Variants in SPIDR observed in about 807,000 individuals in gnomAD.
SPIDR encodes scaffold protein involved in DNA repair.
In SPIDR, 93 loss-of-function variants were observed where a neutral mutation model predicts 104.6. The ratio of observed to expected loss-of-function variants is 0.89; its 90% CI spans 0.75 to 1.06. The LOEUF (loss-of-function observed/expected upper bound fraction) is 1.06. SPIDR is among the 50% of genes least tolerant of loss of function. SPIDR has a pLI of 0.00. For missense variants in SPIDR, 1,154 were observed against 1,111.2 expected (o/e 1.04, Z -0.55); for synonymous variants, 431 against 416.9 (o/e 1.03, Z -0.41).
intron 5 of SPIDR, among the ~76,000 whole-genome samples, chr8:47,368,343 C>A (rs1447813151): frequency 1.4e-4 from 7 of 49,420 alleles, no homozygotes; most frequent in African/African-American, 6.1e-4. Context: ...GTTGAGAAGT[C>A]AAAAAAAAAA....
chr8:47,335,728 C>T (rs1019154765), intron 5 of SPIDR, among the ~76,000 whole-genome samples: 6 of 152,158 alleles, frequency 3.9e-5, no homozygotes, highest in African/African-American at 1.4e-4. Flanking sequence ...GGATTACAGG[C>T]GTGAGCCACC....
intron 8 of SPIDR, among the ~76,000 whole-genome samples, chr8:47,517,329 T>C (rs896648405): frequency 2.6e-5 from 4 of 152,162 alleles, no homozygotes; most frequent in Non-Finnish European, 4.4e-5. Context: ...AAAAAAATAA[T>C]TATTACTATT....
chr8:47,732,679 T>C, intron 19 of SPIDR: 1 of 154,152 alleles, frequency 6.5e-6, no homozygotes, highest in Admixed American at 6.4e-5. Context: ...AGATACCCAG[T>C]ATGGATTCTG....
chr8:47,642,112 G>A (rs1463593266), intron 10 of SPIDR, among the ~76,000 whole-genome samples: 2 of 152,172 alleles, frequency 1.3e-5, no homozygotes, highest in African/African-American at 2.4e-5. Flanking sequence ...GTATGGAGCA[G>A]TGACTTTATG....
Position 47,673,924 on chromosome 8 carries a change from G to T in SPIDR, c.1668G>T (p.Gln556His). 1 of 1,614,110 alleles carries T rather than the reference G, an allele frequency of 6.2e-7. No homozygotes were observed. The highest frequency in any genetic ancestry group is 1.1e-5 in the South Asian group (1 of 91,076). ...GCCTGGTGGGAATGAAGGTTCTACAGAAAGTCACCAGAGGAAGGTGAGAAC... is the reference window on the plus strand; with the variant it reads ...GCCTGGTGGGAATGAAGGTTCTACATAAAGTCACCAGAGGAAGGTGAGAAC... ...SCSLVGMKVL[Q>H]KVTRGRTAGI... The change falls in exon 11 of 20, where the codon CAG (glutamine) becomes CAT (histidine). Residue 556 changes from glutamine to histidine, a missense_variant. By Grantham distance (24) the Gln-to-His change is conservative. Coordinates refer to ENST00000297423, the MANE Select transcript of SPIDR (RefSeq NM_001080394.4).
At chr8:47,265,786 G>A (rs2033835622) in intron 1 of SPIDR, among the ~76,000 whole-genome samples, 1 of 152,110 alleles carries the variant, frequency 6.6e-6, no homozygotes, top group Non-Finnish European at 1.5e-5. Context: ...TAAATCTGGA[G>A]GCTGGGCCTT....
intron 5 of SPIDR, among the ~76,000 whole-genome samples, chr8:47,328,692 C>T (rs919507141): frequency 2.6e-5 from 4 of 152,100 alleles, no homozygotes; most frequent in Non-Finnish European, 1.5e-5. Context: ...GTGGAATCTT[C>T]ACTTTTTTAT....
intron 5 of SPIDR, among the ~76,000 whole-genome samples, chr8:47,313,187 T>G (rs1388130413): frequency 6.6e-6 from 1 of 152,182 alleles, no homozygotes; most frequent in African/African-American, 2.4e-5. Context: ...AAAATCTCCT[T>G]AAGCTGATAA....
intron 10 of SPIDR, among the ~76,000 whole-genome samples, chr8:47,602,274 C>G (rs950423289): frequency 6.6e-6 from 1 of 152,176 alleles, no homozygotes; most frequent in Non-Finnish European, 1.5e-5. Flanking sequence ...CTCATCAGCA[C>G]AACACACACA....
At chr8:47,399,751 C>T (rs1245839803) in intron 6 of SPIDR, among the ~76,000 whole-genome samples, 1 of 152,108 alleles carries the variant, frequency 6.6e-6, no homozygotes, top group Non-Finnish European at 1.5e-5. Context: ...AATAATGACC[C>T]GTGAAGCCTA....
chr8:47,465,230 C>T (rs1347707694), intron 8 of SPIDR, among the ~76,000 whole-genome samples: 1 of 152,172 alleles, frequency 6.6e-6, no homozygotes, highest in East Asian at 1.9e-4. Flanking sequence ...CACTAAGTAT[C>T]TAAAGGAAAG....
chr8:47,531,430 T>G (rs1250952758), intron 8 of SPIDR, among the ~76,000 whole-genome samples: 1 of 152,190 alleles, frequency 6.6e-6, no homozygotes, highest in Non-Finnish European at 1.5e-5. Flanking sequence ...ATGTCATTCC[T>G]TTTAGAAATA....
chr8:47,672,460 A>G (rs1002900721), intron 10 of SPIDR, among the ~76,000 whole-genome samples: 1 of 152,086 alleles, frequency 6.6e-6, no homozygotes, highest in African/African-American at 2.4e-5. Context: ...CTATATTCTG[A>G]GTAATTTATT....
At position 47,469,483 on chromosome 8, in the gene SPIDR, C is replaced by T. The variant is rs192382081; in HGVS notation, c.1097+28941C>T. Among the ~76,000 whole-genome samples, 262 of 151,734 alleles carry T rather than the reference C, an allele frequency of 1.7e-3. 1 individual carries two copies. The highest frequency in any genetic ancestry group is 6.0e-3 in the African/African-American group (246 of 41,332). On this transcript the variant is annotated intron_variant, in intron 8 of 19. Coordinates refer to ENST00000297423, the MANE Select transcript of SPIDR (RefSeq NM_001080394.4). ...TGGAATCAACCTAAATGCCCATCAA[C>T]GGTAGACTGAACAAAGAAAATGTGG... is the stretch of plus-strand genomic sequence containing the variant.
chr8:47,585,289 A>T (rs1303946109), intron 8 of SPIDR, among the ~76,000 whole-genome samples: 2 of 152,194 alleles, frequency 1.3e-5, no homozygotes, highest in African/African-American at 4.8e-5. Flanking sequence ...TTAGATACTG[A>T]CCATTGTTAA....
intron 12 of SPIDR, among the ~76,000 whole-genome samples, 192 bp downstream of exon 12, chr8:47,700,682 C>G (rs1452208126): frequency 6.6e-6 from 1 of 152,222 alleles, no homozygotes; most frequent in African/African-American, 2.4e-5. Context: ...GCCTGGAGAC[C>G]AAGCTCTGGC....
chr8:47,612,628 CTG>C (rs1307982248), intron 10 of SPIDR, among the ~76,000 whole-genome samples: 1 of 152,150 alleles, frequency 6.6e-6, no homozygotes, highest in Non-Finnish European at 1.5e-5. Flanking sequence ...TATCTGGTCT[CTG>C]TTTTATGTTT....
intron 8 of SPIDR, among the ~76,000 whole-genome samples, chr8:47,515,611 T>A (rs2083001412): frequency 1.3e-5 from 2 of 152,324 alleles, no homozygotes; most frequent in South Asian, 4.1e-4. Context: ...CTTACAGGAC[T>A]TTATTGTATT....
intron 10 of SPIDR, among the ~76,000 whole-genome samples, chr8:47,600,429 C>G (rs151136528): frequency 9.3e-4 from 141 of 152,230 alleles, no homozygotes; most frequent in African/African-American, 3.3e-3. Context: ...TACCTATACT[C>G]CGGTGTGAAT....
Sources: allele counts gnomAD v4.1 joint callset (sites outside exome capture counted in the v4.1 genomes callset), GRCh38; gene constraint gnomAD v4.1.1; transcripts MANE v1.5; gene names NCBI Gene and HGNC (gene_info 2026-07-23, HGNC 2026-07-21).